NAT1: variants seen among roughly 807,000 people sequenced by gnomAD.
NAT1 encodes N-acetyltransferase 1.
For missense variants in NAT1, 400 were observed against 339.2 expected, an observed-to-expected ratio of 1.18 and a Z score of -1.41; for synonymous variants, 144 against 122.6, an observed-to-expected ratio of 1.17 and a Z score of -1.16.
At position 18,202,114 on chromosome 8, in the gene NAT1, T is replaced by C. The variant is rs563019986; in HGVS notation, n.93-7667T>C. ...CATTAGAAATTGTAGGATGAAGACA[T>C]TGACTTAATATTTACATAACAAACC... On this transcript the variant is annotated intron_variant and non_coding_transcript_variant, in intron 2 of 4. Transcript: ENST00000517441. Among the ~76,000 whole-genome samples the C allele has an allele frequency of 2.4e-3, 363 of 152,336 alleles. 1 individual carries two copies. The highest frequency in any genetic ancestry group is 3.4e-3 in the Middle Eastern group (1 of 294).
At chr8:18,177,238 CTT>C (rs1253857945) in intron 2 of NAT1, among the ~76,000 whole-genome samples, 1 of 152,032 alleles carries the variant, frequency 6.6e-6, no homozygotes, top group Admixed American at 6.6e-5. Context: ...CTTGTTCCCT[CTT>C]TTACCTATCC....
At chr8:18,171,353 C>T (rs964577991) in intron 2 of NAT1, among the ~76,000 whole-genome samples, 1 of 150,918 alleles carries the variant, frequency 6.6e-6, no homozygotes, top group African/African-American at 2.4e-5. Flanking sequence ...TACTGGGAGG[C>T]ACGCAAAAGA....
At chr8:18,217,914 C>T (rs6586715) in intron 1 of NAT1, among the ~76,000 whole-genome samples, 103,048 of 151,344 alleles carry the variant, frequency 0.68, 35,625 homozygotes, top group Non-Finnish European at 0.76. Context: ...CGGCTTCCTG[C>T]TATAGAGTGT....
chr8:18,205,417 T>C (rs1196662580), upstream of NAT1, among the ~76,000 whole-genome samples: 1 of 152,020 alleles, frequency 6.6e-6, no homozygotes, highest in African/African-American at 2.4e-5. Flanking sequence ...ACAGGAGTGG[T>C]TGTTCGGGGC....
chr8:18,198,041 A>G (rs968043159), intron 2 of NAT1, among the ~76,000 whole-genome samples: 1 of 152,216 alleles, frequency 6.6e-6, no homozygotes, highest in African/African-American at 2.4e-5. Context: ...AAATAAATTA[A>G]AAAGTAAACC....
chr8:18,184,492 G>C (rs772919385), intron 2 of NAT1, among the ~76,000 whole-genome samples: 5 of 152,154 alleles, frequency 3.3e-5, no homozygotes, highest in Non-Finnish European at 7.4e-5. Flanking sequence ...GTAACACTTG[G>C]CTTTCTTTTA....
intron 2 of NAT1, among the ~76,000 whole-genome samples, chr8:18,174,044 C>G (rs12676027): frequency 0.15 from 22,674 of 152,064 alleles, 1,999 homozygotes; most frequent in South Asian, 0.29. Context: ...GAGTCATCCT[C>G]CTTGTGAGGT....
At chr8:18,216,125 T>C (rs1253497658) in intron 1 of NAT1, among the ~76,000 whole-genome samples, 1 of 152,200 alleles carries the variant, frequency 6.6e-6, no homozygotes, top group African/African-American at 2.4e-5. Context: ...CTCTGCATTT[T>C]ACATAACATA....
chr8:18,221,436 C>G (rs1805289809), intron 2 of NAT1, among the ~76,000 whole-genome samples: 1 of 151,576 alleles, frequency 6.6e-6, no homozygotes, highest in African/African-American at 2.4e-5. Flanking sequence ...CATGTTTTAT[C>G]CATGTATTCA....
At chr8:18,188,150 A>G (rs1802820294) in intron 2 of NAT1, among the ~76,000 whole-genome samples, 1 of 152,220 alleles carries the variant, frequency 6.6e-6, no homozygotes, top group Non-Finnish European at 1.5e-5. Flanking sequence ...GAAATAAAGG[A>G]CGCTAAATAG....
At chr8:18,219,960 A>C (rs1348752318) in intron 2 of NAT1, among the ~76,000 whole-genome samples, 1 of 152,238 alleles carries the variant, frequency 6.6e-6, no homozygotes, top group Non-Finnish European at 1.5e-5. Flanking sequence ...AAACCAAATA[A>C]AAGAGATATA....
intron 1 of NAT1, among the ~76,000 whole-genome samples, chr8:18,218,450 G>A (rs773984511): frequency 2.0e-5 from 3 of 152,096 alleles, no homozygotes; most frequent in Non-Finnish European, 4.4e-5. Flanking sequence ...GAATTGTAAG[G>A]TATAGGTTTG....
intron 2 of NAT1, among the ~76,000 whole-genome samples, chr8:18,190,083 C>T (rs1438437774): frequency 6.6e-6 from 1 of 152,208 alleles, no homozygotes; most frequent in African/African-American, 2.4e-5. Context: ...AGCCACCACA[C>T]CCAGCCTGCT....
At chr8:18,181,082 T>C (rs1189266362) in intron 2 of NAT1, among the ~76,000 whole-genome samples, 2 of 152,166 alleles carry the variant, frequency 1.3e-5, no homozygotes, top group East Asian at 3.8e-4. Flanking sequence ...AATCTGTACT[T>C]ACTTTGAGTA....
chr8:18,215,926 C>A (rs1344707534), intron 1 of NAT1, among the ~76,000 whole-genome samples: 1 of 152,096 alleles, frequency 6.6e-6, no homozygotes, highest in Non-Finnish European at 1.5e-5. Context: ...GGAGACAGGT[C>A]TATGCCTTTC....
At chr8:18,192,620 G>A (rs1803044608) in intron 2 of NAT1, among the ~76,000 whole-genome samples, 1 of 152,124 alleles carries the variant, frequency 6.6e-6, no homozygotes. Flanking sequence ...ACTGGATTAA[G>A]AAAATGTGGC....
At chr8:18,190,660 T>C (rs1802945283) in intron 2 of NAT1, among the ~76,000 whole-genome samples, 1 of 152,186 alleles carries the variant, frequency 6.6e-6, no homozygotes, top group African/African-American at 2.4e-5. Flanking sequence ...TGTGGAGCAC[T>C]GATGCAGGAG....
intron 2 of NAT1, among the ~76,000 whole-genome samples, chr8:18,179,844 C>T (rs1802440480): frequency 6.6e-6 from 1 of 152,152 alleles, no homozygotes; most frequent in Admixed American, 6.6e-5. Context: ...CACACAGAAA[C>T]ACAAGGAAGG....
upstream of NAT1, among the ~76,000 whole-genome samples, chr8:18,208,128 G>T (rs1003572534): frequency 2.0e-5 from 3 of 151,988 alleles, no homozygotes; most frequent in Admixed American, 1.3e-4. Context: ...TGAGGAGGGT[G>T]GGGGTATGGG....
Sources: allele counts gnomAD v4.1 joint callset (sites outside exome capture counted in the v4.1 genomes callset), GRCh38; gene constraint gnomAD v4.1.1; transcripts MANE v1.5; gene names NCBI Gene and HGNC (gene_info 2026-07-23, HGNC 2026-07-21).